The following RBFOX1 variants were observed in gnomAD, a reference collection of about 807,000 sequenced individuals.
The protein encoded by RBFOX1 is RNA binding fox-1 homolog 1, also known as RNA binding protein fox-1 homolog 1.
Under a neutral mutation model 57.7 loss-of-function variants are expected in RBFOX1, and 8 were observed. The observed-to-expected ratio is 0.14, with a 90% CI of 0.08 to 0.25. The LOEUF is 0.25. RBFOX1 is among the 10% of genes least tolerant of loss of function. The pLI is 1.00. For missense variants in RBFOX1, 611 were observed against 548.5 expected (o/e 1.11, Z -1.14); for synonymous variants, 326 against 222.4 (o/e 1.47, Z -4.15).
chr16:6,924,565 C>T (rs1259416599), intron 3 of RBFOX1, among the ~76,000 whole-genome samples: 1 of 152,102 alleles, frequency 6.6e-6, no homozygotes, highest in African/African-American at 2.4e-5. Flanking sequence ...AGAGAGGACA[C>T]ATATCCAAAC....
intron 4 of RBFOX1, among the ~76,000 whole-genome samples, chr16:7,348,355 C>G (rs1300799081): frequency 6.6e-6 from 1 of 152,088 alleles, no homozygotes; most frequent in Non-Finnish European, 1.5e-5. Context: ...TTGCAAGCAG[C>G]TGGGTTTTTA....
chr16:6,444,633 C>CT (rs1156971253), intron 2 of RBFOX1, among the ~76,000 whole-genome samples: 40 of 149,776 alleles, frequency 2.7e-4, no homozygotes, highest in African/African-American at 4.2e-4. Flanking sequence ...TCCATTAAAC[C>CT]TTTTTTTTTT....
At chr16:6,287,474 C>A (rs2077016614) in intron 1 of RBFOX1, among the ~76,000 whole-genome samples, 1 of 152,024 alleles carries the variant, frequency 6.6e-6, no homozygotes, top group South Asian at 2.1e-4. Context: ...AAAGATGATG[C>A]TAGGTGTTAG....
At chr16:5,938,241 C>T (rs748721035) in intron 4 of RBFOX1, among the ~76,000 whole-genome samples, 3 of 152,130 alleles carry the variant, frequency 2.0e-5, no homozygotes, top group Non-Finnish European at 4.4e-5. Flanking sequence ...AGGTTTGTAG[C>T]CAGCTTTCTG....
intron 4 of RBFOX1, among the ~76,000 whole-genome samples, chr16:7,374,968 A>T (rs546518763): frequency 2.6e-5 from 4 of 152,242 alleles, no homozygotes; most frequent in Non-Finnish European, 4.4e-5. Context: ...ATTTAAATTA[A>T]TGTGTACAAC....
intron 3 of RBFOX1, among the ~76,000 whole-genome samples, chr16:6,979,184 G>A (rs2087943283): frequency 6.6e-6 from 1 of 152,174 alleles, no homozygotes; most frequent in Non-Finnish European, 1.5e-5. Flanking sequence ...TCAGGAAGTT[G>A]AAAGGTTATT....
At position 6,255,079 on chromosome 16, in the gene RBFOX1, G is replaced by A. The variant is rs560168917; in HGVS notation, c.-126-61916G>A. 7.1e-3 allele frequency among the ~76,000 whole-genome samples: 1,086 copies of A among 151,978 alleles called. 11 individuals are homozygous for A. Among genetic ancestry groups the A allele is most frequent in the African/African-American group, 0.024 (989 of 41,418 alleles). On this transcript the variant is annotated intron_variant, in intron 1 of 15. Coordinates refer to ENST00000550418, the MANE Select transcript of RBFOX1 (RefSeq NM_018723.4). ...TTAAAGTTCAGCATCACATATGTCC[G>A]CGGACCTGTTTTTCAGCTCAGCAGG...
At chr16:5,934,031 A>C (rs993156419) in intron 4 of RBFOX1, among the ~76,000 whole-genome samples, 11 of 152,168 alleles carry the variant, frequency 7.2e-5, no homozygotes, top group Admixed American at 6.5e-4. Context: ...ATAAGTGAGA[A>C]CATGTGACAT....
chr16:6,450,802 T>TAC (rs1567303176), intron 2 of RBFOX1, among the ~76,000 whole-genome samples: 2,113 of 10,190 alleles, frequency 0.21, 302 homozygotes, highest in East Asian at 0.58. Context: ...TATATATATG[T>TAC]ATATATATAT....
At chr16:7,635,133 C>A (rs1337638967) in intron 11 of RBFOX1, among the ~76,000 whole-genome samples, 1 of 152,158 alleles carries the variant, frequency 6.6e-6, no homozygotes, top group East Asian at 1.9e-4. Context: ...TCAAAATTGG[C>A]ACCAGGCAGA....
intron 1 of RBFOX1, among the ~76,000 whole-genome samples, chr16:6,224,268 T>C (rs1442577938): frequency 6.6e-6 from 1 of 152,042 alleles, no homozygotes; most frequent in East Asian, 1.9e-4. Flanking sequence ...TTGATGGGGA[T>C]GGCATTGAAT....
intron 3 of RBFOX1, among the ~76,000 whole-genome samples, chr16:6,854,424 G>A (rs1205475345): frequency 6.6e-6 from 1 of 151,854 alleles, no homozygotes; most frequent in Non-Finnish European, 1.5e-5. Flanking sequence ...GGATGATCTG[G>A]GAAGCTAAAT....
chr16:6,858,761 T>C (rs763725244), intron 3 of RBFOX1, among the ~76,000 whole-genome samples: 2 of 152,128 alleles, frequency 1.3e-5, no homozygotes, highest in Admixed American at 6.5e-5. Flanking sequence ...CACATCTTTA[T>C]TCTTAGTTGA....
chr16:7,176,100 A>G (rs2081594361), intron 4 of RBFOX1, among the ~76,000 whole-genome samples: 2 of 151,806 alleles, frequency 1.3e-5, no homozygotes, highest in South Asian at 4.2e-4. Context: ...GGTTAGGAGC[A>G]TGTACTTTTA....
intron 1 of RBFOX1, among the ~76,000 whole-genome samples, chr16:6,061,695 A>G (rs900623974): frequency 6.6e-6 from 1 of 152,168 alleles, no homozygotes; most frequent in Non-Finnish European, 1.5e-5. Context: ...TAGATTTAAG[A>G]TATACTATCA....
At chr16:7,061,766 T>C (rs2054363651) in intron 4 of RBFOX1, among the ~76,000 whole-genome samples, 1 of 152,222 alleles carries the variant, frequency 6.6e-6, no homozygotes, top group Non-Finnish European at 1.5e-5. Context: ...TAATTTGTCA[T>C]AGCTACTCTT....
At chr16:7,043,223 G>A (rs1471191270) in intron 3 of RBFOX1, among the ~76,000 whole-genome samples, 3 of 152,138 alleles carry the variant, frequency 2.0e-5, no homozygotes, top group African/African-American at 7.2e-5. Flanking sequence ...CCTTCAGCAG[G>A]CTGGGTTGGT....
intron 3 of RBFOX1, among the ~76,000 whole-genome samples, chr16:5,864,857 C>T (rs2057310526): frequency 6.6e-6 from 1 of 152,224 alleles, no homozygotes; most frequent in Non-Finnish European, 1.5e-5. Flanking sequence ...GGCCCTGCCA[C>T]TCCCTACTGT....
intron 3 of RBFOX1, among the ~76,000 whole-genome samples, chr16:7,037,876 A>G (rs2044992446): frequency 6.6e-6 from 1 of 152,216 alleles, no homozygotes; most frequent in African/African-American, 2.4e-5. Flanking sequence ...AGATAAGGCC[A>G]TGGCCTGTGT....
Sources: gnomAD v4.1 joint callset for allele counts (sites outside exome capture counted in the v4.1 genomes callset) on GRCh38, gnomAD v4.1.1 for gene constraint, MANE v1.5 for transcripts, NCBI Gene and HGNC (gene_info 2026-07-23, HGNC 2026-07-21) for gene names.